Variants in SCHIP1 observed in about 807,000 individuals in gnomAD.
The protein encoded by SCHIP1 is schwannomin interacting protein 1.
A neutral mutation model predicts 29.7 loss-of-function variants in SCHIP1; 8 were observed. That is an observed-to-expected ratio of 0.27 (90% confidence interval 0.16 to 0.49). The LOEUF (loss-of-function observed/expected upper bound fraction) is 0.49, where lower values mean the gene tolerates loss of function less well. Among genes scored for constraint, SCHIP1 ranks in the 20% least tolerant of loss-of-function variants. The pLI, the probability that SCHIP1 is intolerant of heterozygous loss-of-function variation, is 0.99. For synonymous variants in SCHIP1, 76 were observed against 94.9 expected (o/e 0.80, Z 1.16); for missense variants, 193 against 294.6 (o/e 0.66, Z 2.52).
the SCHIP1 span, among the ~76,000 whole-genome samples, chr3:159,722,951 G>T: frequency 6.6e-6 from 1 of 152,126 alleles, no homozygotes; most frequent in East Asian, 1.9e-4. Context: ...GACTAGATGT[G>T]GTTACTCCTC....
At chr3:159,854,335 C>T (rs1191451911) in intron 1 of SCHIP1, among the ~76,000 whole-genome samples, 1 of 152,068 alleles carries the variant, frequency 6.6e-6, no homozygotes, top group Non-Finnish European at 1.5e-5. Context: ...TAGATCCTTA[C>T]GTATAGTAAT....
At chr3:159,665,570 G>GTGTGTGTA in the SCHIP1 span, among the ~76,000 whole-genome samples, 1 of 151,454 alleles carries the variant, frequency 6.6e-6, no homozygotes, top group Non-Finnish European at 1.5e-5. Context: ...GTGTGTGTGT[G>GTGTGTGTA]TGTTTAAGGC....
At chr3:159,828,115 T>G in the SCHIP1 span, among the ~76,000 whole-genome samples, 4 of 151,384 alleles carry the variant, frequency 2.6e-5, no homozygotes, top group Admixed American at 1.3e-4. Flanking sequence ...ATGAAATTGA[T>G]ATAAAAAGAC....
the SCHIP1 span, among the ~76,000 whole-genome samples, chr3:159,551,393 G>C: frequency 5.9e-5 from 9 of 152,148 alleles, no homozygotes; most frequent in Non-Finnish European, 1.0e-4. Flanking sequence ...AAAATGGCCT[G>C]CTGCGTAGCA....
At chr3:159,721,873 G>T in the SCHIP1 span, 1 of 414,006 alleles carries the variant, frequency 2.4e-6, no homozygotes, top group Non-Finnish European at 4.8e-6. Context: ...ATGCCACTCA[G>T]CATCTGGCTA....
chr3:159,552,691 C>CT, the SCHIP1 span, among the ~76,000 whole-genome samples: 5 of 152,204 alleles, frequency 3.3e-5, no homozygotes, highest in East Asian at 7.7e-4. Context: ...TTTTCAATTA[C>CT]TTTTTTCAAG....
At chr3:159,808,898 A>G in the SCHIP1 span, among the ~76,000 whole-genome samples, 2 of 152,080 alleles carry the variant, frequency 1.3e-5, no homozygotes, top group Admixed American at 6.5e-5. Flanking sequence ...CAGAGGTTGC[A>G]GTGAGCTGAG....
At chr3:159,396,844 T>A in the SCHIP1 span, among the ~76,000 whole-genome samples, 1 of 151,854 alleles carries the variant, frequency 6.6e-6, no homozygotes, top group Non-Finnish European at 1.5e-5. Flanking sequence ...GTTCTCTGTA[T>A]TTCCTGAATC....
At chr3:159,493,043 G>A in the SCHIP1 span, among the ~76,000 whole-genome samples, 5 of 152,134 alleles carry the variant, frequency 3.3e-5, no homozygotes, top group African/African-American at 1.2e-4. Flanking sequence ...TTACAGACAA[G>A]CAAATGCTGA....
the SCHIP1 span, among the ~76,000 whole-genome samples, chr3:159,497,058 G>C: frequency 1.3e-5 from 2 of 152,082 alleles, no homozygotes; most frequent in Admixed American, 1.3e-4. Flanking sequence ...TGAACAATGA[G>C]AACACATGGA....
chr3:159,763,711 G>GC, the SCHIP1 span: 27 of 152,428 alleles, frequency 1.8e-4, no homozygotes, highest in African/African-American at 6.3e-4. Context: ...GACGGCGCCT[G>GC]CAGCGACTTG....
the SCHIP1 span, among the ~76,000 whole-genome samples, chr3:159,735,245 T>C: frequency 1.3e-4 from 19 of 151,564 alleles, no homozygotes; most frequent in Admixed American, 9.2e-4. Flanking sequence ...TTTTTTTTTT[T>C]CTGAGATGGA....
At chr3:159,494,326 G>A in the SCHIP1 span, among the ~76,000 whole-genome samples, 1 of 152,100 alleles carries the variant, frequency 6.6e-6, no homozygotes, top group Non-Finnish European at 1.5e-5. Flanking sequence ...CTGGTTTTTT[G>A]AAAAGATCAA....
At chr3:159,416,415 T>C in the SCHIP1 span, among the ~76,000 whole-genome samples, 1 of 152,234 alleles carries the variant, frequency 6.6e-6, no homozygotes, top group Non-Finnish European at 1.5e-5. Flanking sequence ...CAGTAAAATG[T>C]CAGTTCTATG....
At chr3:159,787,340 G>A in the SCHIP1 span, among the ~76,000 whole-genome samples, 37 of 152,208 alleles carry the variant, frequency 2.4e-4, no homozygotes, top group African/African-American at 8.2e-4. Context: ...CATCTCCCTC[G>A]GCTTTTTCCA....
chr3:159,490,867 C>G, the SCHIP1 span, among the ~76,000 whole-genome samples: 1 of 152,094 alleles, frequency 6.6e-6, no homozygotes, highest in Admixed American at 6.5e-5. Flanking sequence ...AGAATTGATT[C>G]AGTGAGTATG....
the SCHIP1 span, among the ~76,000 whole-genome samples, chr3:159,740,771 G>GAAAAAAAAAAAAAAAA: frequency 4.8e-5 from 5 of 104,868 alleles, no homozygotes; most frequent in South Asian, 3.6e-4. Flanking sequence ...CAAAAAAAAA[G>GAAAAAAAAAAAAAAAA]AAAAAAAAAA....
the SCHIP1 span, among the ~76,000 whole-genome samples, chr3:159,486,341 C>A: frequency 1.3e-5 from 2 of 152,144 alleles, no homozygotes; most frequent in African/African-American, 4.8e-5. Context: ...CCATCCTATT[C>A]CCGGCTTCTA....
chr3:159,860,555 T>C (rs1292748176), intron 1 of SCHIP1, among the ~76,000 whole-genome samples: 1 of 152,218 alleles, frequency 6.6e-6, no homozygotes, highest in Non-Finnish European at 1.5e-5. Flanking sequence ...GAATTAGTAC[T>C]GAGACAGTGA....
Sources: gnomAD v4.1 joint callset for allele counts (sites outside exome capture counted in the v4.1 genomes callset) on GRCh38, gnomAD v4.1.1 for gene constraint, MANE v1.5 for transcripts, NCBI Gene and HGNC (gene_info 2026-07-23, HGNC 2026-07-21) for gene names.